SLIT2: variants seen among roughly 807,000 people sequenced by gnomAD.
SLIT2 encodes the protein slit guidance ligand 2.
A neutral mutation model predicts 185.7 loss-of-function variants in SLIT2; 41 were observed. The ratio of observed to expected loss-of-function variants is 0.22; its 90% CI spans 0.17 to 0.29. SLIT2 has a LOEUF of 0.29. Among genes scored for constraint, SLIT2 ranks in the 10% least tolerant of loss-of-function variants. The pLI is 1.00. For missense variants in SLIT2, 1,571 were observed against 1,909.0 expected (o/e 0.82, Z 3.30); for synonymous variants, 693 against 680.2 (o/e 1.02, Z -0.29).
Position 20,491,861 on chromosome 4 carries a change from T to A in SLIT2, c.876T>A (p.Thr292=). 3 of 1,613,662 alleles carry A rather than the reference T, an allele frequency of 1.9e-6. No individual in the cohort carries two copies. The highest frequency in any genetic ancestry group is 2.5e-6 in the Non-Finnish European group (3 of 1,179,618). ...NIVDCRGKGL[T]EIPTNLPETI... ...TAGACTGTCGTGGGAAAGGTCTCAC[T>A]GAGATCCCCACAAATCTTCCAGAGA... The change falls in exon 9 of 37, where the codon ACT becomes ACA. Residue 292 remains threonine (T), a synonymous_variant. Transcript: ENST00000504154.
At chr4:20,419,528 T>C (rs930722314) in intron 4 of SLIT2, among the ~76,000 whole-genome samples, 3 of 152,136 alleles carry the variant, frequency 2.0e-5, no homozygotes, top group Non-Finnish European at 4.4e-5. Context: ...TACACTGGAC[T>C]CCAACCTCAG....
intron 4 of SLIT2, among the ~76,000 whole-genome samples, chr4:20,466,718 C>T (rs1265096484): frequency 1.3e-5 from 2 of 152,080 alleles, no homozygotes; most frequent in Non-Finnish European, 2.9e-5. Flanking sequence ...TATGCCTTCT[C>T]ATATTGGAAA....
Position 20,298,659 on chromosome 4 carries a change from TCTAAATGGTACAGTTAAAATGATTTA to T in SLIT2, c.395+29783_395+29808del, listed in dbSNP as rs1367185441. On this transcript the variant is annotated intron_variant, in intron 4 of 36. Transcript: ENST00000504154. ...TGATAAAGCTTATTAACCTCAGTGT[TCTAAATGGTACAGTTAAAATGATTTA>T]CTAAGCCCAAGAAACACAATGAGGA... Among the ~76,000 whole-genome samples the T allele has an allele frequency of 5.3e-5, 8 of 152,190 alleles. No homozygotes were observed. The East Asian group carries it at 1.3e-3, about 26-fold the overall frequency.
At chr4:20,285,877 A>G (rs1282941801) in intron 4 of SLIT2, among the ~76,000 whole-genome samples, 1 of 152,182 alleles carries the variant, frequency 6.6e-6, no homozygotes, top group East Asian at 1.9e-4. Flanking sequence ...TCTTCATTCT[A>G]CAAAGAGAAC....
intron 9 of SLIT2, among the ~76,000 whole-genome samples, chr4:20,493,799 A>G (rs1717996818): frequency 6.6e-6 from 1 of 152,212 alleles, no homozygotes; most frequent in African/African-American, 2.4e-5. Flanking sequence ...TGATAACTCA[A>G]GCATAGAAGT....
chr4:20,334,782 T>C (rs1223841944), intron 4 of SLIT2, among the ~76,000 whole-genome samples: 1 of 152,300 alleles, frequency 6.6e-6, no homozygotes, highest in Admixed American at 6.5e-5. Context: ...TTATTACTAC[T>C]AATATGGCAA....
chr4:20,417,451 TATATATAC>T lies in SLIT2; in HGVS notation c.396-50300_396-50293del, dbSNP rs559877062. Among the ~76,000 whole-genome samples, 306 of 146,250 alleles carry T rather than the reference TATATATAC, an allele frequency of 2.1e-3. 4 individuals carry two copies. Among genetic ancestry groups the T allele is most frequent in the Non-Finnish European group, 3.8e-3 (256 of 66,564 alleles). Reference sequence around the variant, plus strand: ...ATGTGTGTGTGTATATATATATATATATATATACGTATATATATGTGTGTGTACATATA... The same window carrying T: ...ATGTGTGTGTGTATATATATATATATGTATATATATGTGTGTGTACATATA... On this transcript the variant is annotated intron_variant, in intron 4 of 36. Transcript: ENST00000504154.
At chr4:20,379,648 T>C (rs889299381) in intron 4 of SLIT2, among the ~76,000 whole-genome samples, 2 of 152,198 alleles carry the variant, frequency 1.3e-5, no homozygotes, top group African/African-American at 2.4e-5. Flanking sequence ...GACTTCCAGC[T>C]GCATTAGAAT....
intron 6 of SLIT2, among the ~76,000 whole-genome samples, chr4:20,485,286 T>A (rs1560466155): frequency 6.6e-6 from 1 of 152,198 alleles, no homozygotes; most frequent in Non-Finnish European, 1.5e-5. Context: ...AGCTGGACTG[T>A]ATGCTATCTT....
intron 33 of SLIT2, among the ~76,000 whole-genome samples, chr4:20,605,810 G>A (rs1044163043): frequency 3.3e-5 from 5 of 150,096 alleles, no homozygotes; most frequent in East Asian, 2.0e-4. Flanking sequence ...GCAGTGGCAC[G>A]GTCTCGGCTC....
intron 30 of SLIT2, among the ~76,000 whole-genome samples, chr4:20,591,243 AT>A (rs1219438905): frequency 6.6e-6 from 1 of 152,170 alleles, no homozygotes; most frequent in Non-Finnish European, 1.5e-5. Context: ...GTCGGGATGA[AT>A]TTTATAAGAG....
intron 29 of SLIT2, among the ~76,000 whole-genome samples, chr4:20,574,438 G>A (rs1725900810): frequency 6.6e-6 from 1 of 152,180 alleles, no homozygotes. Context: ...ACGTGTGCTT[G>A]TCTTGATAGC....
In SLIT2 at chr4:20,254,393, C is replaced by T. The variant is rs1711535529; in HGVS notation, c.179+399C>T. 6.6e-6 allele frequency among the ~76,000 whole-genome samples: 1 copy of T among 152,156 alleles called. No homozygotes were observed. The highest frequency in any genetic ancestry group is 1.9e-4 in the East Asian group (1 of 5,166). ...CCAGCATCCAGGTCGGTTTCAGAGCCCAGTCCTCGCTCTTGTCGCAGGCTG... is the reference window on the plus strand; with the variant it reads ...CCAGCATCCAGGTCGGTTTCAGAGCTCAGTCCTCGCTCTTGTCGCAGGCTG... On this transcript the variant is annotated intron_variant, in intron 1 of 36. Coordinates refer to ENST00000504154, the MANE Select transcript of SLIT2 (RefSeq NM_004787.4). The surrounding 1 kb of genome is among the most constrained non-coding windows in gnomAD (Gnocchi z 5.1).
chr4:20,481,262 A>T (rs1716675607), intron 6 of SLIT2, among the ~76,000 whole-genome samples: 1 of 152,106 alleles, frequency 6.6e-6, no homozygotes, highest in Non-Finnish European at 1.5e-5. Flanking sequence ...TAAGCCACCC[A>T]TTAGATCCAT....
At chr4:20,322,990 T>A (rs1048457541) in intron 4 of SLIT2, among the ~76,000 whole-genome samples, 4 of 152,186 alleles carry the variant, frequency 2.6e-5, no homozygotes, top group African/African-American at 9.6e-5. Context: ...AGTACTTTCA[T>A]AGAAATATGT....
At chr4:20,276,708 C>T (rs1714200953) in intron 4 of SLIT2, among the ~76,000 whole-genome samples, 2 of 152,084 alleles carry the variant, frequency 1.3e-5, no homozygotes, top group Non-Finnish European at 2.9e-5. Flanking sequence ...GATTAAAGCT[C>T]GAAGTATGTG....
intron 4 of SLIT2, among the ~76,000 whole-genome samples, chr4:20,279,398 T>C (rs1250680349): frequency 6.6e-6 from 1 of 152,222 alleles, no homozygotes; most frequent in Non-Finnish European, 1.5e-5. Context: ...GCATTATTTC[T>C]GGACTTCTTT....
At chr4:20,416,989 C>T (rs943034850) in intron 4 of SLIT2, among the ~76,000 whole-genome samples, 11 of 147,706 alleles carry the variant, frequency 7.4e-5, no homozygotes, top group South Asian at 2.1e-4. Context: ...CACTCAAGTG[C>T]GACACATTTA....
At chr4:20,455,471 A>G (rs144277376) in intron 4 of SLIT2, among the ~76,000 whole-genome samples, 6 of 152,306 alleles carry the variant, frequency 3.9e-5, no homozygotes, top group African/African-American at 1.4e-4. Context: ...GGAACCAAAG[A>G]GAATAGTAAA....
Sources: allele counts gnomAD v4.1 joint callset (sites outside exome capture counted in the v4.1 genomes callset), GRCh38; gene constraint gnomAD v4.1.1; non-coding constraint Gnocchi (gnomAD v3.1); transcripts MANE v1.5; gene names NCBI Gene and HGNC (gene_info 2026-07-23, HGNC 2026-07-21).